SLFN12L: variants seen among roughly 807,000 people sequenced by gnomAD.
The protein encoded by SLFN12L is schlafen family member 12-like.
A neutral mutation model predicts 34.8 loss-of-function variants in SLFN12L; 34 were observed. The ratio of observed to expected loss-of-function variants is 0.98; its 90% CI spans 0.74 to 1.30. The LOEUF is 1.30. Among genes scored for constraint, SLFN12L ranks in the 50% most tolerant of loss-of-function variants. The pLI is 0.00. For missense variants in SLFN12L, 703 were observed against 696.2 expected (o/e 1.01, Z -0.11); for synonymous variants, 259 against 247.5 (o/e 1.05, Z -0.44).
rs139435294 is a variant in SLFN12L, at chr17:35,531,598, C to A, written c.-606+5975G>T. ...AAATTTTCATATTGGCAACTCTCTT[C>A]TTTTATTATATTTACTTATTTATTT... On this transcript the variant is annotated intron_variant, in intron 1 of 4. Coordinates refer to ENST00000628453, the MANE Select transcript of SLFN12L (RefSeq NM_001363830.2). Among the ~76,000 whole-genome samples the A allele has an allele frequency of 1.4e-3, 219 of 152,012 alleles. 1 individual carries two copies. The highest frequency in any genetic ancestry group is 4.9e-3 in the African/African-American group (202 of 41,524).
chr17:35,476,540 A>T (rs577111600), intron 4 of SLFN12L, among the ~76,000 whole-genome samples: 14 of 151,702 alleles, frequency 9.2e-5, no homozygotes, highest in African/African-American at 3.4e-4. Context: ...GAAGGAGAAA[A>T]TATCAACTGA....
intron 2 of SLFN12L, among the ~76,000 whole-genome samples, chr17:35,503,403 A>C (rs1915366692): frequency 1.3e-5 from 2 of 152,212 alleles, no homozygotes; most frequent in South Asian, 4.1e-4. Context: ...ATCTTACCTA[A>C]TGGTCCGACA....
chr17:35,488,134 C>G (rs1312585088), intron 2 of SLFN12L, among the ~76,000 whole-genome samples: 1 of 152,134 alleles, frequency 6.6e-6, no homozygotes, highest in African/African-American at 2.4e-5. Context: ...GCGTGAACCC[C>G]GGAGGCGCAG....
intron 2 of SLFN12L, among the ~76,000 whole-genome samples, chr17:35,517,229 A>T: frequency 6.6e-6 from 1 of 152,220 alleles, no homozygotes; most frequent in East Asian, 1.9e-4. Context: ...AGAGAAAAAA[A>T]AATCACAAGC....
intron 2 of SLFN12L, chr17:35,480,651 A>G (rs1260158870): frequency 6.6e-6 from 1 of 152,562 alleles, no homozygotes; most frequent in Admixed American, 6.5e-5. Flanking sequence ...ATCCTTTTGG[A>G]AAACTGCCAG....
intron 2 of SLFN12L, chr17:35,490,386 G>A (rs1221529756): frequency 8.4e-6 from 11 of 1,316,584 alleles, no homozygotes; most frequent in Non-Finnish European, 1.2e-5. Flanking sequence ...TCACCAAGAA[G>A]TTCATTCAGC....
intron 1 of SLFN12L, among the ~76,000 whole-genome samples, chr17:35,523,418 C>T (rs975280944): frequency 6.6e-6 from 1 of 152,212 alleles, no homozygotes; most frequent in Non-Finnish European, 1.5e-5. Flanking sequence ...CTCATTAGCA[C>T]AATATTTGCG....
intron 2 of SLFN12L, chr17:35,491,204 A>G (rs1597847515): frequency 9.3e-7 from 1 of 1,073,728 alleles, no homozygotes; most frequent in East Asian, 2.4e-5. Flanking sequence ...TATGATTTGG[A>G]AAAGCTCCCA....
intron 1 of SLFN12L, among the ~76,000 whole-genome samples, chr17:35,525,345 G>A (rs898813527): frequency 2.6e-5 from 4 of 152,092 alleles, no homozygotes; most frequent in African/African-American, 4.8e-5. Context: ...TTCAAATTTA[G>A]GAAATACAGA....
At chr17:35,482,598 A>C (rs1914389711) in intron 2 of SLFN12L, among the ~76,000 whole-genome samples, 1 of 152,038 alleles carries the variant, frequency 6.6e-6, no homozygotes, top group Non-Finnish European at 1.5e-5. Context: ...GCATCTCTGC[A>C]CTCTTGGGGC....
chr17:35,536,462 C>T (rs2142183402), intron 1 of SLFN12L, among the ~76,000 whole-genome samples: 1 of 152,094 alleles, frequency 6.6e-6, no homozygotes, highest in Middle Eastern at 3.4e-3. Context: ...TCACAGTTTC[C>T]CAGTCAATAT....
chr17:35,480,042 T>G lies in SLFN12L; in HGVS notation c.240A>C (p.Lys80Asn). ...CTCGTGAGACATTTTCATTCTGCTG[T>G]TTTCTCAGTTGACAATCCTTCATTT... ...RKKMKDCQLRKQQNENVSRAV... is the reference protein window; with the variant it reads ...RKKMKDCQLRNQQNENVSRAV... Residue 80 changes from lysine to asparagine, a missense_variant, in exon 3 of 5, where the codon AAA (lysine) becomes AAC (asparagine). By Grantham distance (94) the Lys-to-Asn change is moderately conservative (BLOSUM62 0). Coordinates refer to ENST00000628453, the MANE Select transcript of SLFN12L (RefSeq NM_001363830.2). 6.2e-7 allele frequency: 1 copy of G among 1,614,192 alleles called. No individual in the cohort carries two copies. The highest frequency in any genetic ancestry group is 8.5e-7 in the Non-Finnish European group (1 of 1,180,040).
At chr17:35,498,209 T>G in intron 2 of SLFN12L, 1 of 296,192 alleles carries the variant, frequency 3.4e-6, no homozygotes, top group Non-Finnish European at 7.0e-6. Flanking sequence ...GCCTGGGATG[T>G]TCAGTCATGA....
chr17:35,511,553 T>G (rs910375770), intron 2 of SLFN12L, among the ~76,000 whole-genome samples: 46 of 147,328 alleles, frequency 3.1e-4, no homozygotes, highest in Non-Finnish European at 8.9e-5. Flanking sequence ...CTGGGCAAGA[T>G]GGTGAGACCT....
intron 2 of SLFN12L, among the ~76,000 whole-genome samples, chr17:35,519,920 C>T (rs956623044): frequency 6.6e-6 from 1 of 152,106 alleles, no homozygotes; most frequent in African/African-American, 2.4e-5. Flanking sequence ...GCAGGTCAGC[C>T]GCACCTCATT....
chr17:35,481,139 G>A (rs560994716), intron 2 of SLFN12L, among the ~76,000 whole-genome samples: 2 of 152,364 alleles, frequency 1.3e-5, no homozygotes, highest in African/African-American at 4.8e-5. Flanking sequence ...GCCTGGCCTA[G>A]CGGTAACACC....
At chr17:35,520,005 TG>T (rs1338999630) in intron 2 of SLFN12L, among the ~76,000 whole-genome samples, 11 of 152,196 alleles carry the variant, frequency 7.2e-5, no homozygotes, top group Non-Finnish European at 1.6e-4. Context: ...ATAAGACCGA[TG>T]GAACAGTCTC....
rs1284256093 is a variant in SLFN12L at position 35,468,496 on chromosome 17, A to G, written c.*6427T>C. Among the ~76,000 whole-genome samples, 1 of 152,024 alleles carries G rather than the reference A, an allele frequency of 6.6e-6. No individual in the cohort carries two copies. Among genetic ancestry groups the G allele is most frequent in the Non-Finnish European group, 1.5e-5 (1 of 68,000 alleles). On this transcript the variant is annotated 3_prime_UTR_variant, in exon 5 of 5. Transcript: ENST00000628453. ...GACATGGCGTCACCCTAAACACAAA[A>G]ACCTTCACCCCAGTGACACCCATGG...
chr17:35,505,236 G>A (rs1915427674), intron 2 of SLFN12L, among the ~76,000 whole-genome samples: 2 of 152,154 alleles, frequency 1.3e-5, no homozygotes, highest in Non-Finnish European at 2.9e-5. Context: ...CAGCCCTGGG[G>A]CTACATGACC....
Sources: allele counts gnomAD v4.1 joint callset (sites outside exome capture counted in the v4.1 genomes callset), GRCh38; gene constraint gnomAD v4.1.1; transcripts MANE v1.5; gene names NCBI Gene and HGNC (gene_info 2026-07-23, HGNC 2026-07-21).